FIRRM: variants seen among roughly 807,000 people sequenced by gnomAD.
FIRRM encodes the protein FIGNL1 interacting regulator of recombination and mitosis.
At chr1:169,804,760 T>A in the FIRRM span, among the ~76,000 whole-genome samples, 1 of 152,204 alleles carries the variant, frequency 6.6e-6, no homozygotes, top group Non-Finnish European at 1.5e-5. Context: ...CTCGGCTCAC[T>A]GCAACCTCGC....
chr1:169,827,848 A>G, the FIRRM span: 48 of 1,613,686 alleles, frequency 3.0e-5, no homozygotes, highest in South Asian at 4.6e-4. Flanking sequence ...CAGGTAGCAA[A>G]CATGTTTTTA....
the FIRRM span, chr1:169,852,845 C>T: frequency 4.6e-5 from 75 of 1,613,968 alleles, no homozygotes; most frequent in Middle Eastern, 1.6e-4. Context: ...TACAGGTCAG[C>T]GCTGCATACA....
the FIRRM span, chr1:169,792,722 G>A: frequency 2.0e-3 from 3,150 of 1,613,792 alleles, 42 homozygotes; most frequent in African/African-American, 0.033. Context: ...AAAATAATGT[G>A]CTTTGCTGGC....
At chr1:169,822,996 A>G in the FIRRM span, among the ~76,000 whole-genome samples, 27 of 152,142 alleles carry the variant, frequency 1.8e-4, no homozygotes, top group African/African-American at 5.5e-4. Flanking sequence ...TCATGCCTGT[A>G]ATCCCAGCAC....
chr1:169,797,542 A>G, the FIRRM span, among the ~76,000 whole-genome samples: 1 of 152,022 alleles, frequency 6.6e-6, no homozygotes, highest in Non-Finnish European at 1.5e-5. Flanking sequence ...TGGTAGGACT[A>G]TGGGTTTTTT....
At chr1:169,843,544 CATAA>C in the FIRRM span, 1 of 618,210 alleles carries the variant, frequency 1.6e-6, no homozygotes, top group Non-Finnish European at 2.9e-6. Context: ...TTTTGTAAGG[CATAA>C]ATGAGGTAAT....
At chr1:169,815,338 G>C in the FIRRM span, among the ~76,000 whole-genome samples, 4 of 151,734 alleles carry the variant, frequency 2.6e-5, no homozygotes, top group Admixed American at 2.0e-4. Flanking sequence ...TTACTCCATA[G>C]GTGGAGCAAC....
the FIRRM span, chr1:169,821,898 G>C: frequency 1.2e-5 from 6 of 503,596 alleles, no homozygotes; most frequent in African/African-American, 1.2e-4. Flanking sequence ...AACCGGTAAG[G>C]CTGGGATTTA....
the FIRRM span, chr1:169,843,824 C>G: frequency 5.7e-6 from 6 of 1,055,656 alleles, no homozygotes; most frequent in Non-Finnish European, 8.8e-6. Flanking sequence ...GCTAAAACTG[C>G]TATCATGTAA....
the FIRRM span, among the ~76,000 whole-genome samples, chr1:169,845,188 A>G: frequency 6.6e-6 from 1 of 152,346 alleles, no homozygotes; most frequent in Non-Finnish European, 1.5e-5. Context: ...TGCATACAGA[A>G]GTTATGTTTA....
At chr1:169,832,069 C>G in the FIRRM span, among the ~76,000 whole-genome samples, 13 of 152,160 alleles carry the variant, frequency 8.5e-5, no homozygotes, top group Non-Finnish European at 1.5e-4. Flanking sequence ...CCTGTAACAT[C>G]TTTTAATGAA....
chr1:169,853,092 A>ATT, the FIRRM span: 1 of 1,035,826 alleles, frequency 9.7e-7, no homozygotes, highest in Non-Finnish European at 1.4e-6. Context: ...AGTTGAATCT[A>ATT]GTGAAAATAA....
At chr1:169,834,412 G>T in the FIRRM span, among the ~76,000 whole-genome samples, 1 of 152,094 alleles carries the variant, frequency 6.6e-6, no homozygotes, top group Non-Finnish European at 1.5e-5. Flanking sequence ...AACTTGATAA[G>T]ATACACATAT....
chr1:169,798,734 C>T, the FIRRM span: 1 of 340,958 alleles, frequency 2.9e-6, no homozygotes. Flanking sequence ...TGTGTTTTCA[C>T]AATACTGTTT....
the FIRRM span, chr1:169,803,440 A>G: frequency 2.1e-6 from 2 of 938,310 alleles, no homozygotes; most frequent in African/African-American, 3.3e-5. Context: ...TAGAATAAAG[A>G]ACATGTAAGT....
At chr1:169,803,159 T>C in the FIRRM span, 1 of 1,611,944 alleles carries the variant, frequency 6.2e-7, no homozygotes, top group Non-Finnish European at 8.5e-7. Flanking sequence ...ATTTCCTTCC[T>C]TATTCACAGA....
the FIRRM span, chr1:169,850,964 T>A: frequency 7.2e-6 from 1 of 139,116 alleles, no homozygotes; most frequent in South Asian, 2.3e-4. Context: ...ATATTTTGGG[T>A]ATAATTTAGG....
the FIRRM span, among the ~76,000 whole-genome samples, chr1:169,812,000 A>G: frequency 1.3e-5 from 2 of 152,212 alleles, no homozygotes; most frequent in Non-Finnish European, 2.9e-5. Context: ...CCTTGCTTAT[A>G]TTACCCACAC....
the FIRRM span, chr1:169,793,151 G>A: frequency 1.2e-6 from 2 of 1,614,076 alleles, no homozygotes; most frequent in Non-Finnish European, 1.7e-6. Flanking sequence ...TTTCACTTTG[G>A]CCTTTGTGAA....
Sources: allele counts gnomAD v4.1 joint callset (sites outside exome capture counted in the v4.1 genomes callset), GRCh38; gene constraint gnomAD v4.1.1; transcripts MANE v1.5; gene names NCBI Gene and HGNC (gene_info 2026-07-23, HGNC 2026-07-21).